Variants in NRXN3 observed in about 807,000 individuals in gnomAD.
NRXN3 encodes the protein neurexin III.
NRXN3 carries 32 observed loss-of-function variants against 137.6 expected under a neutral mutation model. The ratio of observed to expected loss-of-function variants is 0.23; its 90% CI spans 0.18 to 0.31. NRXN3 has a LOEUF of 0.31. Ranked by LOEUF, NRXN3 falls within the 10% of genes least tolerant of loss-of-function variation. The probability of loss-of-function intolerance (pLI) is 1.00; values close to 1 mark genes in which losing one functional copy is unlikely to be tolerated. For synonymous variants in NRXN3, 798 were observed against 784.5 expected (o/e 1.02, Z -0.29); for missense variants, 1,574 against 2,062.5 (o/e 0.76, Z 4.59).
intron 15 of NRXN3, among the ~76,000 whole-genome samples, chr14:79,271,310 C>G (rs2079259373): frequency 1.3e-5 from 2 of 152,080 alleles, no homozygotes; most frequent in Non-Finnish European, 2.9e-5. Context: ...GTATGGCAAC[C>G]CATTCCTTGG....
intron 8 of NRXN3, among the ~76,000 whole-genome samples, chr14:78,794,257 C>G (rs927196685): frequency 5.3e-5 from 8 of 152,122 alleles, no homozygotes; most frequent in African/African-American, 1.9e-4. Context: ...TGGCATGTGC[C>G]TGTAGTTCCA....
intron 16 of NRXN3, among the ~76,000 whole-genome samples, chr14:79,546,141 A>G (rs189697283): frequency 1.1e-3 from 169 of 152,266 alleles, no homozygotes; most frequent in Non-Finnish European, 2.0e-3. Context: ...TGTAAGTCCA[A>G]TTAAACCTCT....
Position 79,517,102 on chromosome 14 carries a change from C to CCCG in NRXN3, c.3444+49701_3444+49702insCGC, listed in dbSNP as rs1555499673. 1.3e-3 allele frequency among the ~76,000 whole-genome samples: 196 copies of CCCG among 150,880 alleles called. 3 individuals are homozygous for CCCG. Among genetic ancestry groups the CCCG allele is most frequent in the African/African-American group, 4.6e-3 (188 of 40,978 alleles). On this transcript the variant is annotated intron_variant, in intron 16 of 20. Transcript: ENST00000335750. The stretch of plus-strand genomic sequence containing the variant: ...TTACACAAATGTACAGCCCCCCCCC[C>CCCG]CTCAACGAATGGGAGCGCTTCCCCA...
chr14:78,533,098 C>CATT (rs1566664258), intron 4 of NRXN3, among the ~76,000 whole-genome samples: 2 of 116,072 alleles, frequency 1.7e-5, no homozygotes, highest in Non-Finnish European at 3.9e-5. Context: ...CTCCCTCCAG[C>CATT]CTTTTTTTTT....
chr14:79,804,717 C>T (rs541560618), intron 19 of NRXN3, among the ~76,000 whole-genome samples: 12 of 152,308 alleles, frequency 7.9e-5, no homozygotes, highest in Admixed American at 1.3e-4. Flanking sequence ...CTCAAAGCCA[C>T]AATGTATGTC....
At chr14:78,849,110 G>A (rs1201294326) in intron 10 of NRXN3, among the ~76,000 whole-genome samples, 4 of 152,118 alleles carry the variant, frequency 2.6e-5, no homozygotes, top group Admixed American at 2.0e-4. Context: ...TATTCATTAT[G>A]AAGCTAGAGA....
At chr14:78,811,998 T>C (rs2098915213) in intron 10 of NRXN3, among the ~76,000 whole-genome samples, 1 of 152,172 alleles carries the variant, frequency 6.6e-6, no homozygotes. Context: ...CCTGTTTTTT[T>C]GGTTTGTTTG....
At chr14:78,925,228 A>G (rs986192138) in intron 10 of NRXN3, among the ~76,000 whole-genome samples, 12 of 152,202 alleles carry the variant, frequency 7.9e-5, no homozygotes, top group Admixed American at 2.6e-4. Flanking sequence ...TAAGCAACCT[A>G]TAGAGTTTAG....
intron 16 of NRXN3, among the ~76,000 whole-genome samples, chr14:79,516,396 AT>A (rs1421020508): frequency 9.2e-5 from 14 of 152,120 alleles, no homozygotes; most frequent in African/African-American, 3.1e-4. Flanking sequence ...TGTAAATATG[AT>A]TTAAAAATTG....
At chr14:78,357,211 C>T (rs2084438989) in intron 4 of NRXN3, among the ~76,000 whole-genome samples, 1 of 152,174 alleles carries the variant, frequency 6.6e-6, no homozygotes, top group South Asian at 2.1e-4. Context: ...TGGGGGAAGA[C>T]AAGGAGGAGC....
intron 15 of NRXN3, among the ~76,000 whole-genome samples, chr14:79,368,966 T>C (rs962186484): frequency 5.9e-5 from 9 of 152,156 alleles, no homozygotes; most frequent in Admixed American, 5.9e-4. Context: ...TTCTATTCAG[T>C]CACATTCAAA....
At position 79,537,569 on chromosome 14, in the gene NRXN3, G is replaced by C. The variant is rs565774536; in HGVS notation, c.3444+70167G>C. 9.2e-5 allele frequency among the ~76,000 whole-genome samples: 14 copies of C among 152,130 alleles called. No homozygotes were observed. The South Asian group carries it at 2.7e-3, about 29-fold the overall frequency. On this transcript the variant is annotated intron_variant, in intron 16 of 20. Coordinates refer to ENST00000335750, the MANE Select transcript of NRXN3 (RefSeq NM_001330195.2). Reference sequence around the variant, plus strand: ...GGTTTTTTTGTCCTTGCAATAGTTTGCTGAGAATGATGGTTTCCAGCTTCA... The same window carrying C: ...GGTTTTTTTGTCCTTGCAATAGTTTCCTGAGAATGATGGTTTCCAGCTTCA...
At chr14:78,783,606 G>A (rs2098777881) in intron 8 of NRXN3, among the ~76,000 whole-genome samples, 1 of 152,114 alleles carries the variant, frequency 6.6e-6, no homozygotes, top group African/African-American at 2.4e-5. Flanking sequence ...GGGGGAGTAA[G>A]GTGAGGGGTA....
intron 4 of NRXN3, among the ~76,000 whole-genome samples, chr14:78,478,448 A>G (rs1275557808): frequency 6.6e-6 from 1 of 152,134 alleles, no homozygotes; most frequent in Non-Finnish European, 1.5e-5. Context: ...ATTTTTATTA[A>G]TAATATTGAT....
chr14:78,354,972 G>A (rs907243307), intron 4 of NRXN3, among the ~76,000 whole-genome samples: 6 of 152,172 alleles, frequency 3.9e-5, no homozygotes, highest in African/African-American at 1.4e-4. Context: ...CGAACAAGGT[G>A]AGGCAGAGAA....
chr14:78,529,600 G>A (rs1238319176), intron 4 of NRXN3, among the ~76,000 whole-genome samples: 4 of 152,148 alleles, frequency 2.6e-5, no homozygotes, highest in African/African-American at 9.7e-5. Context: ...TGTCTTTGCA[G>A]CTTTAGTCAA....
chr14:79,070,099 A>G (rs12895916), intron 15 of NRXN3, among the ~76,000 whole-genome samples: 76,364 of 151,998 alleles, frequency 0.5, 22,401 homozygotes, highest in East Asian at 0.78. Context: ...ATTAGGAAGG[A>G]TGTTATGACC....
intron 16 of NRXN3, among the ~76,000 whole-genome samples, chr14:79,522,866 G>T (rs2097081321): frequency 6.6e-6 from 1 of 152,126 alleles, no homozygotes; most frequent in Non-Finnish European, 1.5e-5. Flanking sequence ...AATACCACTT[G>T]TTGCTCTTTC....
At chr14:79,165,472 C>T (rs903831572) in intron 15 of NRXN3, among the ~76,000 whole-genome samples, 1 of 151,978 alleles carries the variant, frequency 6.6e-6, no homozygotes, top group Non-Finnish European at 1.5e-5. Flanking sequence ...AAAGGTTCCA[C>T]TCTCATGCGA....
Sources: allele counts gnomAD v4.1 joint callset (sites outside exome capture counted in the v4.1 genomes callset), GRCh38; gene constraint gnomAD v4.1.1; transcripts MANE v1.5; gene names NCBI Gene and HGNC (gene_info 2026-07-23, HGNC 2026-07-21).